The following PRKG1 variants were observed in gnomAD, a reference collection of about 807,000 sequenced individuals.
PRKG1 encodes the protein cGMP-dependent protein kinase 1.
A neutral mutation model predicts 88.1 loss-of-function variants in PRKG1; 35 were observed. The ratio of observed to expected loss-of-function variants is 0.40; its 90% CI spans 0.30 to 0.53. The LOEUF (loss-of-function observed/expected upper bound fraction) is 0.53, where lower values mean the gene tolerates loss of function less well. Ranked by LOEUF, PRKG1 falls within the 20% of genes least tolerant of loss-of-function variation. The probability of loss-of-function intolerance (pLI) is 0.59; values close to 1 mark genes in which losing one functional copy is unlikely to be tolerated. For synonymous variants in PRKG1, 303 were observed against 292.5 expected (o/e 1.04, Z -0.37); for missense variants, 540 against 839.8 (o/e 0.64, Z 4.41).
At chr10:51,711,152 C>T (rs571192753) in intron 3 of PRKG1, among the ~76,000 whole-genome samples, 4 of 152,270 alleles carry the variant, frequency 2.6e-5, no homozygotes, top group African/African-American at 9.6e-5. Flanking sequence ...GTCACCCAGG[C>T]TGGAGTGCAG....
chr10:51,650,391 A>G (rs759138889), intron 3 of PRKG1, among the ~76,000 whole-genome samples: 1 of 152,144 alleles, frequency 6.6e-6, no homozygotes, highest in African/African-American at 2.4e-5. Context: ...TATATCCCCT[A>G]CATACTAAGC....
intron 4 of PRKG1, among the ~76,000 whole-genome samples, chr10:51,847,170 C>T (rs1187102570): frequency 6.6e-6 from 1 of 152,088 alleles, no homozygotes; most frequent in Non-Finnish European, 1.5e-5. Flanking sequence ...TGATGCTACT[C>T]CTAACTCTAA....
intron 5 of PRKG1, among the ~76,000 whole-genome samples, chr10:51,932,757 C>A (rs1842721035): frequency 6.6e-6 from 1 of 152,080 alleles, no homozygotes; most frequent in South Asian, 2.1e-4. Flanking sequence ...TGTAGCTTTA[C>A]AATTTCTGTT....
chr10:51,065,678 T>C (rs184776200), intron 1 of PRKG1, among the ~76,000 whole-genome samples: 5 of 152,224 alleles, frequency 3.3e-5, no homozygotes, highest in Admixed American at 3.3e-4. Context: ...GCATTTTAAA[T>C]AAATAATTGT....
intron 12 of PRKG1, among the ~76,000 whole-genome samples, chr10:52,278,725 A>C (rs183647436): frequency 1.1e-3 from 160 of 152,056 alleles, no homozygotes; most frequent in African/African-American, 3.6e-3. Context: ...CAGGAGGTCG[A>C]ACCCCCATCT....
chr10:51,321,226 T>A, intron 2 of PRKG1, among the ~76,000 whole-genome samples: 1 of 152,174 alleles, frequency 6.6e-6, no homozygotes, highest in Admixed American at 6.5e-5. Flanking sequence ...AGCTGTGTAA[T>A]CTTAAGCACG....
chr10:51,945,792 C>A (rs1589444097), intron 5 of PRKG1, among the ~76,000 whole-genome samples: 1 of 151,598 alleles, frequency 6.6e-6, no homozygotes, highest in African/African-American at 2.4e-5. Flanking sequence ...CCCCCACTCT[C>A]TTCTGGCTTG....
At chr10:51,692,652 T>C (rs1016199559) in intron 3 of PRKG1, among the ~76,000 whole-genome samples, 31 of 152,164 alleles carry the variant, frequency 2.0e-4, no homozygotes, top group African/African-American at 7.5e-4. Flanking sequence ...ATTTTTACAT[T>C]TTTTGTAGAG....
At chr10:52,096,626 C>T (rs947229615) in intron 7 of PRKG1, among the ~76,000 whole-genome samples, 1 of 152,152 alleles carries the variant, frequency 6.6e-6, no homozygotes, top group African/African-American at 2.4e-5. Flanking sequence ...ATTGTTCCAT[C>T]TCAAGACTCC....
At chr10:52,097,981 C>T (rs1847211509) in intron 7 of PRKG1, among the ~76,000 whole-genome samples, 1 of 151,948 alleles carries the variant, frequency 6.6e-6, no homozygotes, top group Non-Finnish European at 1.5e-5. Context: ...CTATCAAGTA[C>T]ATTGCTATAT....
rs569039510 is a variant in PRKG1 at position 51,576,673 on chromosome 10, A to T, written c.592+108837A>T. On this transcript the variant is annotated intron_variant, in intron 3 of 17. Coordinates refer to ENST00000373980, the MANE Select transcript of PRKG1 (RefSeq NM_006258.4). ...GGCTTTGCAAATGTATCTTCCCAGC[A>T]ACAAGGTAAGAGAGCAATATCCCAT... 8.9e-4 allele frequency among the ~76,000 whole-genome samples: 136 copies of T among 152,118 alleles called. 1 individual carries two copies. The highest frequency in any genetic ancestry group is 1.4e-3 in the Non-Finnish European group (98 of 67,934).
At chr10:51,957,194 C>T (rs1843330690) in intron 5 of PRKG1, among the ~76,000 whole-genome samples, 1 of 145,030 alleles carries the variant, frequency 6.9e-6, no homozygotes. Context: ...TTCCTCCCTC[C>T]TTTCCTCCCT....
intron 3 of PRKG1, among the ~76,000 whole-genome samples, chr10:51,712,288 C>T (rs1367682303): frequency 6.6e-6 from 1 of 152,132 alleles, no homozygotes; most frequent in Non-Finnish European, 1.5e-5. Flanking sequence ...GGTCTTATGA[C>T]TTGCTTCAGG....
chr10:51,257,861 C>T (rs567933947), intron 2 of PRKG1, among the ~76,000 whole-genome samples: 118 of 152,196 alleles, frequency 7.8e-4, no homozygotes, highest in African/African-American at 2.8e-3. Flanking sequence ...TAAACAAAAC[C>T]TAAGGGGATA....
chr10:51,338,755 C>T (rs1174941048), intron 2 of PRKG1, among the ~76,000 whole-genome samples: 1 of 152,108 alleles, frequency 6.6e-6, no homozygotes, highest in East Asian at 1.9e-4. Context: ...ATTAGTGATG[C>T]TATGATTCAA....
intron 2 of PRKG1, among the ~76,000 whole-genome samples, chr10:51,166,867 C>T (rs1285221139): frequency 6.6e-6 from 1 of 152,112 alleles, no homozygotes; most frequent in Non-Finnish European, 1.5e-5. Context: ...ATTTGAAACT[C>T]TTTGTATATT....
intron 3 of PRKG1, among the ~76,000 whole-genome samples, chr10:51,570,287 A>G (rs1021455697): frequency 1.3e-5 from 2 of 151,752 alleles, no homozygotes; most frequent in African/African-American, 2.4e-5. Flanking sequence ...AACCTTACCT[A>G]TGACAGGAAA....
rs1009039182 is a variant in PRKG1, at chr10:51,514,173, C to T, written c.592+46337C>T. On this transcript the variant is annotated intron_variant, in intron 3 of 17. Coordinates refer to ENST00000373980, the MANE Select transcript of PRKG1 (RefSeq NM_006258.4). ...AAAATGATAAAGGGGATATCACCACCGATCCCACAGAAATACAAACTACCA... is the reference window on the plus strand; with the variant it reads ...AAAATGATAAAGGGGATATCACCACTGATCCCACAGAAATACAAACTACCA... Among the ~76,000 whole-genome samples the T allele has an allele frequency of 2.1e-4, 31 of 149,622 alleles. 1 individual carries two copies. In the South Asian group the frequency reaches 5.2e-3, roughly 25 times the overall value.
chr10:51,683,997 A>C, intron 3 of PRKG1, among the ~76,000 whole-genome samples: 1 of 152,226 alleles, frequency 6.6e-6, no homozygotes, highest in East Asian at 1.9e-4. Context: ...GTTAACATAA[A>C]GTTCCTATAT....
Sources: gnomAD v4.1 joint callset for allele counts (sites outside exome capture counted in the v4.1 genomes callset) on GRCh38, gnomAD v4.1.1 for gene constraint, MANE v1.5 for transcripts, NCBI Gene and HGNC (gene_info 2026-07-23, HGNC 2026-07-21) for gene names.